The following PARN variants were observed in gnomAD, a reference collection of about 807,000 sequenced individuals.
PARN encodes poly(A)-specific ribonuclease PARN.
Under a neutral mutation model 102.8 loss-of-function variants are expected in PARN, and 71 were observed. That is an observed-to-expected ratio of 0.69 (90% CI 0.57 to 0.84). The LOEUF is 0.84. Ranked by LOEUF, PARN falls within the 40% of genes least tolerant of loss-of-function variation. The pLI is 0.00. For missense variants in PARN, 782 were observed against 760.9 expected, an observed-to-expected ratio of 1.03 and a Z score of -0.33; for synonymous variants, 261 against 252.9, an observed-to-expected ratio of 1.03 and a Z score of -0.30.
At chr16:14,540,232 G>A (rs1966788522) in intron 21 of PARN, among the ~76,000 whole-genome samples, 1 of 152,096 alleles carries the variant, frequency 6.6e-6, no homozygotes, top group Non-Finnish European at 1.5e-5. Context: ...TTTATCTATT[G>A]CCACATTTAG....
chr16:14,521,287 C>A (rs1965718742), intron 21 of PARN, among the ~76,000 whole-genome samples: 1 of 152,198 alleles, frequency 6.6e-6, no homozygotes, highest in Admixed American at 6.5e-5. Flanking sequence ...CAAACTCAAC[C>A]TCTTGCAGCC....
At chr16:14,465,287 T>C (rs1189838983) in intron 22 of PARN, among the ~76,000 whole-genome samples, 1 of 152,146 alleles carries the variant, frequency 6.6e-6, no homozygotes, top group South Asian at 2.1e-4. Flanking sequence ...TCTTTCCACA[T>C]TGCCCAGGCT....
At chr16:14,579,293 A>G (rs1596732514) in intron 18 of PARN, among the ~76,000 whole-genome samples, 1 of 152,224 alleles carries the variant, frequency 6.6e-6, no homozygotes. Context: ...ATCAAAGTTT[A>G]TTTTGATTGC....
In PARN at chr16:14,612,308, G is replaced by C. The variant is rs372952494; in HGVS notation, c.389-1499C>G. Among the ~76,000 whole-genome samples the C allele has an allele frequency of 1.3e-4, 20 of 152,174 alleles. No homozygotes were observed. The East Asian group carries it at 3.1e-3, about 24-fold the overall frequency. On this transcript the variant is annotated intron_variant, in intron 6 of 23. Coordinates refer to ENST00000437198, the MANE Select transcript of PARN (RefSeq NM_002582.4). ...AAAAATTAGCTGGGCATGGTGGTGT[G>C]TGCCTGTAGTCCCAGCTACTTGGGA...
intron 18 of PARN, among the ~76,000 whole-genome samples, chr16:14,570,013 T>C (rs879598819): frequency 1.2e-4 from 18 of 152,132 alleles, no homozygotes; most frequent in Admixed American, 8.5e-4. Context: ...CTATATGGTA[T>C]GTGAATTTAT....
At chr16:14,532,865 C>A (rs1966426157) in intron 21 of PARN, among the ~76,000 whole-genome samples, 1 of 151,302 alleles carries the variant, frequency 6.6e-6, no homozygotes, top group Admixed American at 6.6e-5. Context: ...GGCTGACCCC[C>A]CCACCTCCCT....
At chr16:14,594,535 C>T (rs1414201979) in intron 12 of PARN, among the ~76,000 whole-genome samples, 2 of 152,050 alleles carry the variant, frequency 1.3e-5, no homozygotes, top group Non-Finnish European at 2.9e-5. Flanking sequence ...CCCAGCATGG[C>T]AAAATCCTGT....
At chr16:14,489,508 T>A (rs1318388965) in intron 21 of PARN, among the ~76,000 whole-genome samples, 2 of 151,726 alleles carry the variant, frequency 1.3e-5, no homozygotes, top group Non-Finnish European at 2.9e-5. Flanking sequence ...CTAAAGGCCA[T>A]TTCCAATACA....
Position 14,617,615 on chromosome 16 carries a change from A to T in PARN, c.363T>A (p.Phe121Leu). Residue 121 changes from phenylalanine (F) to leucine (L), a missense_variant, in exon 6 of 24, where the codon TTT becomes TTA. Physicochemically the swap from Phe to Leu is conservative, Grantham distance 22. Coordinates refer to ENST00000437198, the MANE Select transcript of PARN (RefSeq NM_002582.4). Reference protein sequence around the residue: ...SSIDFLASQGFDFNKVFRNGI... With the variant: ...SSIDFLASQGLDFNKVFRNGI... ...CATTTCGAAAAACTTTATTAAAATC[A>T]AATCCCTGGCTTGCTAGAAAGTCAA... 1 of 1,591,508 alleles carries T rather than the reference A, an allele frequency of 6.3e-7. No individual in the cohort carries two copies. The highest frequency in any genetic ancestry group is 8.6e-7 in the Non-Finnish European group (1 of 1,159,456).
chr16:14,515,270 C>A (rs1478833738), intron 21 of PARN, among the ~76,000 whole-genome samples: 2 of 151,626 alleles, frequency 1.3e-5, no homozygotes, highest in Non-Finnish European at 1.5e-5. Flanking sequence ...GCCACCACTC[C>A]TGGCTGCTAA....
At chr16:14,575,188 A>C (rs564004789) in intron 18 of PARN, among the ~76,000 whole-genome samples, 16 of 152,316 alleles carry the variant, frequency 1.1e-4, no homozygotes, top group African/African-American at 3.8e-4. Context: ...CAGAACCCCC[A>C]CACAGAGTCC....
intron 18 of PARN, among the ~76,000 whole-genome samples, chr16:14,569,415 T>C (rs901181542): frequency 2.6e-5 from 4 of 152,204 alleles, no homozygotes; most frequent in East Asian, 1.9e-4. Flanking sequence ...TGATCTACAG[T>C]TGAAAGACTA....
chr16:14,436,660 C>G lies in PARN; in HGVS notation c.*57G>C. 7.6e-7 allele frequency: 1 copy of G among 1,311,126 alleles called. No homozygotes were observed. The highest frequency in any genetic ancestry group is 1.3e-5 in the South Asian group (1 of 79,404). The allele number at this position is 1,311,126 out of a possible 1,614,324, so 81.2% of individuals were successfully genotyped here. ...AAATACAGTGCGGCTTCCAAATGTG[C>G]CAGCCGGCTCTTGCTCACAGCGACA... On this transcript the variant is annotated 3_prime_UTR_variant, in exon 24 of 24. Transcript: ENST00000437198.
chr16:14,620,782 CT>C (rs1972247232), intron 5 of PARN, among the ~76,000 whole-genome samples: 1 of 152,160 alleles, frequency 6.6e-6, no homozygotes, highest in East Asian at 1.9e-4. Flanking sequence ...TGTCCTAATC[CT>C]ATGGACCACG....
chr16:14,552,198 A>C, intron 20 of PARN, 103 bp from the exon 21 acceptor site: 1 of 711,104 alleles, frequency 1.4e-6, no homozygotes, highest in East Asian at 2.6e-5. Flanking sequence ...ATCTTTAAAG[A>C]GAGAGAAGGT....
chr16:14,478,746 A>C (rs981365265), intron 22 of PARN, among the ~76,000 whole-genome samples: 1 of 152,260 alleles, frequency 6.6e-6, no homozygotes, highest in Non-Finnish European at 1.5e-5. Context: ...GAATTTAAAA[A>C]GGTTGCAAAA....
intron 8 of PARN, among the ~76,000 whole-genome samples, 177 bp from the exon 9 acceptor site, chr16:14,608,496 T>C (rs1021372831): frequency 2.6e-5 from 4 of 152,216 alleles, no homozygotes; most frequent in African/African-American, 9.6e-5. Context: ...ATCACTTGTC[T>C]TCTAAAATTT....
chr16:14,466,521 G>A (rs761043457), intron 22 of PARN, among the ~76,000 whole-genome samples: 20 of 152,128 alleles, frequency 1.3e-4, no homozygotes, highest in Non-Finnish European at 2.9e-4. Context: ...AATTTGTAAC[G>A]TGACAGAGGA....
At chr16:14,610,124 C>G (rs1971437819) in intron 7 of PARN, among the ~76,000 whole-genome samples, 1 of 152,200 alleles carries the variant, frequency 6.6e-6, no homozygotes, top group Non-Finnish European at 1.5e-5. Flanking sequence ...TGACATGTAG[C>G]AAGTCCAAGT....
Sources: allele counts gnomAD v4.1 joint callset (sites outside exome capture counted in the v4.1 genomes callset), GRCh38; gene constraint gnomAD v4.1.1; transcripts MANE v1.5; gene names NCBI Gene and HGNC (gene_info 2026-07-23, HGNC 2026-07-21).